Variants in FAM53B observed in about 807,000 individuals in gnomAD.
FAM53B encodes the protein protein FAM53B.
Under a neutral mutation model 32.7 loss-of-function variants are expected in FAM53B, and 12 were observed. That is an observed-to-expected ratio of 0.37 (90% CI 0.24 to 0.59). The LOEUF is 0.59. Among genes scored for constraint, FAM53B ranks in the 20% least tolerant of loss-of-function variants. The pLI, the probability that FAM53B is intolerant of heterozygous loss-of-function variation, is 0.72. For synonymous variants in FAM53B, 234 were observed against 228.7 expected (o/e 1.02, Z -0.21); for missense variants, 477 against 577.7 (o/e 0.83, Z 1.79).
At chr10:124,671,582 G>A (rs1045437214) in intron 4 of FAM53B, among the ~76,000 whole-genome samples, 2 of 152,206 alleles carry the variant, frequency 1.3e-5, no homozygotes, top group African/African-American at 2.4e-5. Context: ...GGGAAACAGC[G>A]GGGGCCTCCA....
chr10:124,705,910 A>G (rs1183071360), intron 2 of FAM53B, among the ~76,000 whole-genome samples: 1 of 152,188 alleles, frequency 6.6e-6, no homozygotes, highest in Non-Finnish European at 1.5e-5. Flanking sequence ...CCCCTTCCTG[A>G]TCACGGAAGC....
intron 1 of FAM53B, among the ~76,000 whole-genome samples, chr10:124,735,551 C>T (rs1050087833): frequency 2.6e-5 from 4 of 152,250 alleles, no homozygotes; most frequent in Admixed American, 2.6e-4. Context: ...CAGCCTGACC[C>T]GTCCAGCCAA....
intron 4 of FAM53B, among the ~76,000 whole-genome samples, chr10:124,640,890 G>A (rs192895385): frequency 1.3e-3 from 199 of 152,350 alleles, no homozygotes; most frequent in Non-Finnish European, 2.5e-3. Flanking sequence ...GCAACAGCCC[G>A]GCAAAGGCCG....
At chr10:124,725,493 G>A (rs2134098300) in intron 1 of FAM53B, among the ~76,000 whole-genome samples, 1 of 152,360 alleles carries the variant, frequency 6.6e-6, no homozygotes, top group South Asian at 2.1e-4. Flanking sequence ...GGCAGTGAGT[G>A]GGAAGCTTCA....
intron 1 of FAM53B, among the ~76,000 whole-genome samples, chr10:124,713,189 C>T (rs531480501): frequency 2.6e-5 from 4 of 152,240 alleles, no homozygotes; most frequent in African/African-American, 9.6e-5. Context: ...AATCCTCTCA[C>T]GTTCCTATGA....
At chr10:124,702,334 T>C (rs1949920050) in intron 2 of FAM53B, among the ~76,000 whole-genome samples, 1 of 152,246 alleles carries the variant, frequency 6.6e-6, no homozygotes, top group African/African-American at 2.4e-5. Context: ...ATGTTACCAG[T>C]TTAGGAAGCT....
Position 124,681,972 on chromosome 10 carries a change from A to G in FAM53B, c.541T>C (p.Cys181Arg), listed in dbSNP as rs752228090. The G allele has an allele frequency of 1.2e-6, 2 of 1,614,068 alleles. No homozygotes were observed. The highest frequency in any genetic ancestry group is 1.7e-6 in the Non-Finnish European group (2 of 1,180,022). ...CGGTGGTGGAGTCCTGCCTGGTCGCAGGGTGAGGAGAGCACGTTGGCCCGG... is the reference window on the plus strand; with the variant it reads ...CGGTGGTGGAGTCCTGCCTGGTCGCGGGGTGAGGAGAGCACGTTGGCCCGG... The part of the protein sequence containing the change: ...PSRANVLSSP[C>R]DQAGLHHRFG... The change falls in exon 4 of 5, where the codon TGC becomes CGC. Residue 181 changes from cysteine (C) to arginine (R), a missense_variant. By Grantham distance (180) the Cys-to-Arg change is radical. Coordinates refer to ENST00000337318, the MANE Select transcript of FAM53B (RefSeq NM_014661.4).
chr10:124,644,546 C>A (rs1490324003), intron 4 of FAM53B, among the ~76,000 whole-genome samples: 1 of 152,204 alleles, frequency 6.6e-6, no homozygotes, highest in Non-Finnish European at 1.5e-5. Context: ...GGCTGACCTG[C>A]CTGGCACTCA....
chr10:124,684,454 T>C (rs1385015748), intron 3 of FAM53B, among the ~76,000 whole-genome samples: 1 of 152,226 alleles, frequency 6.6e-6, no homozygotes, highest in Non-Finnish European at 1.5e-5. Flanking sequence ...GTATTCACCA[T>C]TCTATTAAAT....
At chr10:124,635,150 T>C (rs1949421127) in intron 4 of FAM53B, among the ~76,000 whole-genome samples, 1 of 152,196 alleles carries the variant, frequency 6.6e-6, no homozygotes, top group African/African-American at 2.4e-5. Flanking sequence ...TGGAGTGCAG[T>C]GGCATGATCT....
intron 1 of FAM53B, among the ~76,000 whole-genome samples, chr10:124,716,830 G>A (rs1950041002): frequency 6.6e-6 from 1 of 151,990 alleles, no homozygotes; most frequent in African/African-American, 2.4e-5. Flanking sequence ...AGAGCTAGAT[G>A]CCGCCTTCTG....
intron 4 of FAM53B, among the ~76,000 whole-genome samples, chr10:124,628,991 G>A (rs1254018469): frequency 1.3e-5 from 2 of 152,258 alleles, no homozygotes; most frequent in East Asian, 1.9e-4. Flanking sequence ...GAGAATCCCC[G>A]GCTCAGGCCC....
chr10:124,677,510 T>C (rs1001378592), intron 4 of FAM53B, among the ~76,000 whole-genome samples: 9 of 152,206 alleles, frequency 5.9e-5, no homozygotes, highest in African/African-American at 2.2e-4. Flanking sequence ...TGGAACCAAG[T>C]GGTTGTAATT....
rs41307542 is a variant in FAM53B at position 124,681,905 on chromosome 10, G to A, written c.608C>T (p.Pro203Leu). Residue 203 changes from proline to leucine, a missense_variant, in exon 4 of 5, where the codon CCG becomes CTG. Pro to Leu is a moderately conservative substitution (Grantham distance 98). Coordinates refer to ENST00000337318, the MANE Select transcript of FAM53B (RefSeq NM_014661.4). The part of the protein sequence containing the change: ...QPCQGVPGSA[P>L]CGQAGDTWSP... ...CCAGGTGTCACCTGCCTGTCCACAC[G>A]GGGCTGAGCCTGGCACCCCTTGGCA... 794 of 1,613,922 alleles carry A rather than the reference G, an allele frequency of 4.9e-4. 8 individuals carry two copies. In the African/African-American group the frequency reaches 8.8e-3, roughly 18 times the overall value.
chr10:124,685,578 C>T (rs1589750395), intron 3 of FAM53B, among the ~76,000 whole-genome samples: 1 of 152,358 alleles, frequency 6.6e-6, no homozygotes, highest in Non-Finnish European at 1.5e-5. Flanking sequence ...GAGCCTGAGA[C>T]ATACTACAGA....
At chr10:124,710,464 TTCC>T (rs1482357147) in intron 1 of FAM53B, among the ~76,000 whole-genome samples, 1 of 152,224 alleles carries the variant, frequency 6.6e-6, no homozygotes, top group Admixed American at 6.5e-5. Context: ...TTTCCTGGGA[TTCC>T]TATGACCCGT....
intron 4 of FAM53B, among the ~76,000 whole-genome samples, chr10:124,678,337 C>G (rs1044767784): frequency 6.6e-6 from 1 of 152,196 alleles, no homozygotes; most frequent in African/African-American, 2.4e-5. Context: ...ACACGCATAT[C>G]AACAGATGTG....
intron 1 of FAM53B, among the ~76,000 whole-genome samples, chr10:124,732,798 C>A (rs1950152617): frequency 6.6e-6 from 1 of 151,876 alleles, no homozygotes; most frequent in African/African-American, 2.4e-5. Context: ...CTGCTGCACT[C>A]CAGCCTGGGT....
Position 124,620,102 on chromosome 10 carries a change from A to G in FAM53B, c.*3140T>C, listed in dbSNP as rs1348690539. 1 of 152,602 alleles carries G rather than the reference A, an allele frequency of 6.6e-6. No homozygotes were observed. Among genetic ancestry groups the G allele is most frequent in the South Asian group, 2.1e-4 (1 of 4,830 alleles). 9.5% of individuals were successfully genotyped at this position (152,602 alleles called of 1,614,324 possible). A position where few individuals can be genotyped will look rare whatever the true frequency, so the allele number is the denominator to read the frequency against. The stretch of plus-strand genomic sequence containing the variant: ...TTTTCTTTCAGTGTACAAATTCACA[A>G]AACTGGCTACAAAAATTTGGTTGAA... On this transcript the variant is annotated 3_prime_UTR_variant, in exon 5 of 5. Transcript: ENST00000337318.
Sources: gnomAD v4.1 joint callset for allele counts (sites outside exome capture counted in the v4.1 genomes callset) on GRCh38, gnomAD v4.1.1 for gene constraint, MANE v1.5 for transcripts, NCBI Gene and HGNC (gene_info 2026-07-23, HGNC 2026-07-21) for gene names.